The following AFF4 variants were observed in gnomAD, a reference collection of about 807,000 sequenced individuals.
AFF4 encodes the protein AF4/FMR2 family member 4.
Under a neutral mutation model 124.8 loss-of-function variants are expected in AFF4, and 13 were observed. The observed-to-expected ratio is 0.10, with a 90% CI of 0.07 to 0.17. The LOEUF is 0.17. Among genes scored for constraint, AFF4 ranks in the 10% least tolerant of loss-of-function variants. The pLI is 1.00. For missense variants in AFF4, 1,092 were observed against 1,403.8 expected, an observed-to-expected ratio of 0.78 and a Z score of 3.55; for synonymous variants, 477 against 496.1, an observed-to-expected ratio of 0.96 and a Z score of 0.51.
chr5:132,912,348 A>C (rs1320222427), intron 5 of AFF4, among the ~76,000 whole-genome samples: 2 of 151,938 alleles, frequency 1.3e-5, no homozygotes, highest in South Asian at 2.1e-4. Flanking sequence ...TCTCAAAAAA[A>C]AGTAAAGATA....
intron 7 of AFF4, 100 bp from the exon 8 acceptor site, chr5:132,899,741 T>C (rs926615670): frequency 5.7e-6 from 6 of 1,047,368 alleles, no homozygotes; most frequent in Non-Finnish European, 8.3e-6. Context: ...ATCACTGTGG[T>C]AGCCAAAAAT....
chr5:132,912,151 G>A lies in AFF4; in HGVS notation c.1051-7747C>T, dbSNP rs374728258. 4.2e-5 allele frequency among the ~76,000 whole-genome samples: 6 copies of A among 143,724 alleles called. No individual in the cohort carries two copies. In the East Asian group the frequency reaches 1.0e-3, roughly 24 times the overall value. 94.3% of individuals were successfully genotyped at this position (143,724 alleles called of 152,430 possible). A position where few individuals can be genotyped will look rare whatever the true frequency, so the allele number is the denominator to read the frequency against. ...GCGGATCACCTGACGTCAGGAGTTC[G>A]AGATTGTCTCTACTAAAAATACAAA... On this transcript the variant is annotated intron_variant, in intron 5 of 20. Transcript: ENST00000265343.
intron 4 of AFF4, among the ~76,000 whole-genome samples, chr5:132,928,142 A>T (rs1761220484): frequency 6.6e-6 from 1 of 152,166 alleles, no homozygotes; most frequent in Non-Finnish European, 1.5e-5. Flanking sequence ...CTCACACTTC[A>T]AAAACTGAAA....
chr5:132,938,168 G>A (rs1266045880), intron 1 of AFF4, among the ~76,000 whole-genome samples: 2 of 151,776 alleles, frequency 1.3e-5, no homozygotes, highest in Admixed American at 1.3e-4. Flanking sequence ...TATATGTGTG[G>A]AGCATTTCTG....
intron 1 of AFF4, among the ~76,000 whole-genome samples, chr5:132,959,979 TCTC>T (rs1762047030): frequency 6.6e-6 from 1 of 151,908 alleles, no homozygotes; most frequent in South Asian, 2.1e-4. Flanking sequence ...ATGGTCTCGA[TCTC>T]CTGACCTCGT....
intron 4 of AFF4, among the ~76,000 whole-genome samples, chr5:132,928,512 C>T (rs1761230750): frequency 6.6e-6 from 1 of 152,138 alleles, no homozygotes. Flanking sequence ...AAACCTTTGT[C>T]TCTCTTTACC....
chr5:132,928,048 C>A (rs1295991279), intron 4 of AFF4, among the ~76,000 whole-genome samples: 2 of 151,972 alleles, frequency 1.3e-5, no homozygotes, highest in Non-Finnish European at 2.9e-5. Context: ...TAAGGAAATG[C>A]AACAAATTAA....
intron 4 of AFF4, among the ~76,000 whole-genome samples, chr5:132,930,869 G>A (rs1761281763): frequency 6.6e-6 from 1 of 150,428 alleles, no homozygotes; most frequent in African/African-American, 2.4e-5. Flanking sequence ...CACTTTGGGA[G>A]GCCAAGGCAG....
At chr5:132,915,236 G>A (rs1399936347) in intron 5 of AFF4, among the ~76,000 whole-genome samples, 2 of 152,022 alleles carry the variant, frequency 1.3e-5, no homozygotes, top group African/African-American at 4.8e-5. Flanking sequence ...AGCTACTCAG[G>A]AGGCTGAGGC....
intron 1 of AFF4, among the ~76,000 whole-genome samples, chr5:132,951,683 A>C (rs1412288838): frequency 1.3e-5 from 2 of 152,156 alleles, no homozygotes; most frequent in African/African-American, 4.8e-5. Flanking sequence ...ACCTGCCACA[A>C]CACCAGGCTA....
In AFF4 at chr5:132,888,169, C is replaced by A; in HGVS notation, c.2733-9G>T. The stretch of plus-strand genomic sequence containing the variant: ...GGTCTGCTGAATAATTTCTGCAAGA[C>A]AAATTTTCATTATAAATAGAATAGT... On this transcript the variant is annotated splice_polypyrimidine_tract_variant and intron_variant, in intron 14 of 20. Coordinates refer to ENST00000265343, the MANE Select transcript of AFF4 (RefSeq NM_014423.4). The A allele has an allele frequency of 6.3e-7, 1 of 1,597,674 alleles. No homozygotes were observed. The highest frequency in any genetic ancestry group is 1.3e-5 in the African/African-American group (1 of 74,296).
At chr5:132,932,257 T>C (rs2150096771) in intron 3 of AFF4, 35 bp from the exon 4 acceptor site, 2 of 1,578,032 alleles carry the variant, frequency 1.3e-6, no homozygotes, top group East Asian at 4.5e-5. Flanking sequence ...TAGATTTTTA[T>C]CAGTAGATTT....
intron 13 of AFF4, among the ~76,000 whole-genome samples, chr5:132,889,921 T>A: frequency 6.6e-6 from 1 of 152,046 alleles, no homozygotes; most frequent in East Asian, 1.9e-4. Context: ...GGGCATGTAC[T>A]ACTGCACCTG....
intron 1 of AFF4, among the ~76,000 whole-genome samples, chr5:132,950,339 G>C (rs1761812470): frequency 1.3e-5 from 2 of 152,226 alleles, no homozygotes; most frequent in Non-Finnish European, 2.9e-5. Flanking sequence ...GCCAGGAATG[G>C]TGGCACATGC....
At chr5:132,919,666 A>G (rs1760993726) in intron 5 of AFF4, among the ~76,000 whole-genome samples, 1 of 152,168 alleles carries the variant, frequency 6.6e-6, no homozygotes, top group South Asian at 2.1e-4. Flanking sequence ...GCTGGGCAAC[A>G]TGGCAAAACC....
In AFF4 at chr5:132,934,768, A is replaced by C. The variant is rs1474143755; in HGVS notation, c.297T>G (p.His99Gln). 6.2e-7 allele frequency: 1 copy of C among 1,613,956 alleles called. No individual in the cohort carries two copies. The highest frequency in any genetic ancestry group is 8.5e-7 in the Non-Finnish European group (1 of 1,180,034). The change falls in exon 3 of 21, where the codon CAT becomes CAG. Residue 99 changes from histidine to glutamine, a missense_variant. Physicochemically the swap from His to Gln is conservative, Grantham distance 24 (BLOSUM62 0). Around this residue, in one of 11 missense-constraint regions of AFF4, gnomAD observed 188 missense variants for 203.0 expected, o/e 0.93. Coordinates refer to ENST00000265343, the MANE Select transcript of AFF4 (RefSeq NM_014423.4). ...ATTTGCTACTCTGATGAGAGCCTCC[A>C]TGTCTCTGTTCAAAGAAATTTGGGT... Reference protein sequence around the residue: ...KSNPNFFEQRHGGSHQSSKWT... With the variant: ...KSNPNFFEQRQGGSHQSSKWT...
intron 7 of AFF4, among the ~76,000 whole-genome samples, chr5:132,901,686 A>C (rs1760555427): frequency 6.6e-6 from 1 of 152,272 alleles, no homozygotes; most frequent in South Asian, 2.1e-4. Context: ...TATGTTACTT[A>C]ATCTAGTGGT....
At position 132,961,591 on chromosome 5, in the gene AFF4, G is replaced by C. The variant is rs996118429; in HGVS notation, c.-5+1668C>G. Among the ~76,000 whole-genome samples, 57 of 152,262 alleles carry C rather than the reference G, an allele frequency of 3.7e-4. 1 individual carries two copies. The highest frequency in any genetic ancestry group is 2.7e-3 in the Admixed American group (42 of 15,298). On this transcript the variant is annotated intron_variant, in intron 1 of 20. Coordinates refer to ENST00000265343, the MANE Select transcript of AFF4 (RefSeq NM_014423.4). ...TACACAGAAGAGAATGTATCAACCT[G>C]AATGTGAGAATCTGACAAGTAGAAA...
chr5:132,892,915 T>C (rs1760299457), intron 12 of AFF4, 115 bp downstream of exon 12: 2 of 973,350 alleles, frequency 2.1e-6, no homozygotes, highest in Middle Eastern at 2.2e-4. Context: ...TGTGTATGCA[T>C]TTATATAACA....
Sources: allele counts gnomAD v4.1 joint callset (sites outside exome capture counted in the v4.1 genomes callset), GRCh38; gene constraint gnomAD v4.1.1; regional missense constraint gnomAD v4.1.1; transcripts MANE v1.5; gene names NCBI Gene and HGNC (gene_info 2026-07-23, HGNC 2026-07-21).